PSMA6: variants seen among roughly 807,000 people sequenced by gnomAD.
PSMA6 encodes the protein proteasome subunit alpha type-6.
For missense variants in PSMA6, 170 were observed against 294.8 expected, an observed-to-expected ratio of 0.58 and a Z score of 3.10; for synonymous variants, 88 against 97.7, an observed-to-expected ratio of 0.90 and a Z score of 0.59.
chr14:35,291,141 GC>G (rs1354811823), upstream of PSMA6, among the ~76,000 whole-genome samples: 1 of 151,234 alleles, frequency 6.6e-6, no homozygotes, highest in Non-Finnish European at 1.5e-5. Context: ...ACTGGCGCGC[GC>G]CACCACGCAC....
chr14:35,310,657 G>T, intron 3 of PSMA6, 83 bp from the exon 4 acceptor site: 1 of 1,448,174 alleles, frequency 6.9e-7, no homozygotes, highest in Non-Finnish European at 9.6e-7. Context: ...TATATGGTGG[G>T]AAAATTGCCT....
At chr14:35,293,472 G>C (rs2051526889) in intron 1 of PSMA6, among the ~76,000 whole-genome samples, 1 of 152,160 alleles carries the variant, frequency 6.6e-6, no homozygotes, top group South Asian at 2.1e-4. Flanking sequence ...TTTTATTTTT[G>C]AATGAGTTTA....
intron 3 of PSMA6, among the ~76,000 whole-genome samples, chr14:35,309,467 T>C (rs948638533): frequency 7.9e-5 from 12 of 151,670 alleles, no homozygotes; most frequent in Non-Finnish European, 1.6e-4. Flanking sequence ...CTGGGCAACA[T>C]GGTGAGACTC....
intron 1 of PSMA6, among the ~76,000 whole-genome samples, chr14:35,280,741 T>C (rs1386536294): frequency 1.3e-5 from 2 of 152,040 alleles, no homozygotes; most frequent in Non-Finnish European, 2.9e-5. Flanking sequence ...GTTTTCGAAA[T>C]GGGGTCTCAC....
intron 1 of PSMA6, among the ~76,000 whole-genome samples, chr14:35,280,660 G>A (rs1052929899): frequency 3.3e-5 from 5 of 152,090 alleles, no homozygotes; most frequent in African/African-American, 4.8e-5. Flanking sequence ...GGGATTACAG[G>A]CATGAGCCAC....
chr14:35,309,878 A>G (rs2051906386), intron 3 of PSMA6, among the ~76,000 whole-genome samples: 1 of 152,182 alleles, frequency 6.6e-6, no homozygotes, highest in South Asian at 2.1e-4. Context: ...AGGCTGAGGC[A>G]GGAGAATCGC....
intron 3 of PSMA6, among the ~76,000 whole-genome samples, 184 bp from the exon 4 acceptor site, chr14:35,310,548 GTTTTTAAA>G (rs1186299422): frequency 6.6e-6 from 1 of 152,112 alleles, no homozygotes; most frequent in Non-Finnish European, 1.5e-5. Context: ...AGAGCTTCAT[GTTTTTAAA>G]TTTTTTTCAT....
chr14:35,301,502 A>C (rs1283825726), intron 1 of PSMA6, among the ~76,000 whole-genome samples: 1 of 130,870 alleles, frequency 7.6e-6, no homozygotes, highest in Non-Finnish European at 1.7e-5. Context: ...GTGAGACTCC[A>C]TCTCAAAAAA....
In PSMA6 at chr14:35,307,891, T is replaced by C. The variant is rs538854135; in HGVS notation, c.77-103T>C. 2.4e-5 allele frequency: 26 copies of C among 1,064,678 alleles called. No individual in the cohort carries two copies. In the African/African-American group the frequency reaches 4.1e-4, roughly 17 times the overall value. The allele number at this position is 1,064,678 out of a possible 1,614,324, so 66.0% of individuals were successfully genotyped here. A position where few individuals can be genotyped will look rare whatever the true frequency, so the allele number is the denominator to read the frequency against. Reference sequence around the variant, plus strand: ...ATCCTGGAATGCTATATGAGCATTCTGTGTTCATGTAGCTCTTTCTCATTC... The same window carrying C: ...ATCCTGGAATGCTATATGAGCATTCCGTGTTCATGTAGCTCTTTCTCATTC... On this transcript the variant is annotated intron_variant, in intron 1 of 6. Transcript: ENST00000261479.
upstream of PSMA6, among the ~76,000 whole-genome samples, chr14:35,290,116 A>G (rs1273982170): frequency 6.6e-6 from 1 of 152,124 alleles, no homozygotes; most frequent in Non-Finnish European, 1.5e-5. Context: ...TTGAGGTGCC[A>G]TATGTCTCAA....
chr14:35,292,615 C>T (rs949513204), intron 1 of PSMA6, 63 bp downstream of exon 1: 1 of 1,578,678 alleles, frequency 6.3e-7, no homozygotes. Flanking sequence ...GTGCCTGGAG[C>T]GAGCAGACGC....
intron 1 of PSMA6, among the ~76,000 whole-genome samples, chr14:35,297,284 C>A (rs1464657776): frequency 1.3e-5 from 2 of 151,928 alleles, no homozygotes; most frequent in Non-Finnish European, 2.9e-5. Flanking sequence ...GTTGCAATCT[C>A]TGCTCACTGC....
intron 4 of PSMA6, 135 bp downstream of exon 4, chr14:35,311,030 TAATA>T (rs1190348054): frequency 8.3e-6 from 7 of 848,294 alleles, no homozygotes; most frequent in Non-Finnish European, 1.1e-5. Flanking sequence ...AAAATCTTTA[TAATA>T]AATCAGAACT....
At chr14:35,290,289 A>G (rs2051463548), upstream of PSMA6, among the ~76,000 whole-genome samples, 1 of 152,180 alleles carries the variant, frequency 6.6e-6, no homozygotes, top group Non-Finnish European at 1.5e-5. Flanking sequence ...TATGCAGGCA[A>G]ACAGTAGGAA....
At chr14:35,301,276 G>A (rs60707741) in intron 1 of PSMA6, among the ~76,000 whole-genome samples, 16,633 of 152,046 alleles carry the variant, frequency 0.11, 974 homozygotes, top group Middle Eastern at 0.16. Context: ...AGGCCGAGGC[G>A]GGTGGATCAC....
At position 35,309,092 on chromosome 14, in the gene PSMA6, T is replaced by C. The variant is rs150960208; in HGVS notation, c.253+97T>C. 2,149 of 928,436 alleles carry C rather than the reference T, an allele frequency of 2.3e-3. 36 individuals are homozygous for C. The African/African-American group carries it at 0.028, about 12-fold the overall frequency. 57.5% of individuals were successfully genotyped at this position (928,436 alleles called of 1,614,324 possible). ...GAGTTTTGTATTAATTTTAAACTTA[T>C]TGCCTGATTTTCAAGTGCCATGAGT... On this transcript the variant is annotated intron_variant, in intron 3 of 6. Coordinates refer to ENST00000261479, the MANE Select transcript of PSMA6 (RefSeq NM_002791.3).
chr14:35,316,856 ACT>A (rs908282510), intron 6 of PSMA6: 12 of 174,072 alleles, frequency 6.9e-5, no homozygotes, highest in African/African-American at 2.6e-4. Flanking sequence ...ACAGAGCAAG[ACT>A]CTGTCTCAAA....
At chr14:35,307,665 C>T (rs1175451412) in intron 1 of PSMA6, among the ~76,000 whole-genome samples, 1 of 152,058 alleles carries the variant, frequency 6.6e-6, no homozygotes, top group Non-Finnish European at 1.5e-5. Flanking sequence ...ACCTGGCAGG[C>T]AGAGGTTGCA....
chr14:35,283,785 C>G (rs530637396), intron 1 of PSMA6, among the ~76,000 whole-genome samples: 11 of 152,180 alleles, frequency 7.2e-5, no homozygotes, highest in Admixed American at 2.0e-4. Flanking sequence ...CCAAGCTGGT[C>G]TCAAACTCCT....
Sources: gnomAD v4.1 joint callset for allele counts (sites outside exome capture counted in the v4.1 genomes callset) on GRCh38, gnomAD v4.1.1 for gene constraint, MANE v1.5 for transcripts, NCBI Gene and HGNC (gene_info 2026-07-23, HGNC 2026-07-21) for gene names.